Variants in SLC7A11 observed in about 807,000 individuals in gnomAD.
SLC7A11 encodes the protein solute carrier family 7 member 11, also known as cystine/glutamate transporter.
Under a neutral mutation model 54.5 loss-of-function variants are expected in SLC7A11, and 35 were observed. The ratio of observed to expected loss-of-function variants is 0.64; its 90% CI spans 0.49 to 0.85. SLC7A11 has a LOEUF of 0.85. SLC7A11 is among the 40% of genes least tolerant of loss of function. The pLI is 0.00. For missense variants in SLC7A11, 583 were observed against 618.1 expected (o/e 0.94, Z 0.60); for synonymous variants, 230 against 225.2 (o/e 1.02, Z -0.19).
chr4:138,215,107 A>G (rs1312752577), intron 5 of SLC7A11, among the ~76,000 whole-genome samples: 1 of 152,186 alleles, frequency 6.6e-6, no homozygotes, highest in African/African-American at 2.4e-5. Context: ...CAGAGGGGTT[A>G]GGCACAGGAA....
intron 6 of SLC7A11, among the ~76,000 whole-genome samples, chr4:138,201,898 G>A (rs1227505122): frequency 6.6e-6 from 1 of 152,098 alleles, no homozygotes; most frequent in Non-Finnish European, 1.5e-5. Flanking sequence ...GCAGACTTTT[G>A]AAAGTCATGA....
intron 4 of SLC7A11, among the ~76,000 whole-genome samples, chr4:138,220,181 G>A (rs952313227): frequency 1.3e-5 from 2 of 151,974 alleles, no homozygotes; most frequent in African/African-American, 2.4e-5. Context: ...CTTGTGATCC[G>A]CCCGCCTCGG....
chr4:138,185,263 T>A lies in SLC7A11; in HGVS notation c.792-19A>T, dbSNP rs1270905744. ...AATGGTTCTGAAATGCACAAAGGAATCACTTATTCATTATCTTTTGTTAGC... is the reference window on the plus strand; with the variant it reads ...AATGGTTCTGAAATGCACAAAGGAAACACTTATTCATTATCTTTTGTTAGC... On this transcript the variant is annotated intron_variant, in intron 6 of 11. Transcript: ENST00000280612. 1 of 1,610,328 alleles carries A rather than the reference T, an allele frequency of 6.2e-7. No homozygotes were observed. The highest frequency in any genetic ancestry group is 1.1e-5 in the South Asian group (1 of 90,892).
Position 138,168,272 on chromosome 4 carries a change from T to C in SLC7A11, c.*3684A>G. 6.6e-6 allele frequency: 1 copy of C among 152,326 alleles called. No individual in the cohort carries two copies. Among genetic ancestry groups the C allele is most frequent in the South Asian group, 2.1e-4 (1 of 4,830 alleles). 9.4% of individuals were successfully genotyped at this position (152,326 alleles called of 1,614,324 possible). ...TCATTAGCTTCCTGCGAGATCCACCTATGCACAGCAAACAACTAATTTTTA... is the reference window on the plus strand; with the variant it reads ...TCATTAGCTTCCTGCGAGATCCACCCATGCACAGCAAACAACTAATTTTTA... On this transcript the variant is annotated 3_prime_UTR_variant, in exon 12 of 12. Transcript: ENST00000280612.
chr4:138,237,700 AATATATATATAT>A (rs1168512229), intron 1 of SLC7A11, among the ~76,000 whole-genome samples: 512 of 14,704 alleles, frequency 0.035, 21 homozygotes, highest in African/African-American at 0.043. Flanking sequence ...GCCTAGCCAG[AATATATATATAT>A]ATATATATAT....
chr4:138,237,772 A>T (rs1440472051), intron 1 of SLC7A11, among the ~76,000 whole-genome samples: 3 of 34,984 alleles, frequency 8.6e-5, no homozygotes, highest in Admixed American at 4.3e-4. Context: ...TTTTTTTGAG[A>T]TGGAGTCTCA....
At chr4:138,238,657 T>C (rs1738300778) in intron 1 of SLC7A11, among the ~76,000 whole-genome samples, 2 of 152,026 alleles carry the variant, frequency 1.3e-5, no homozygotes, top group South Asian at 4.1e-4. Context: ...TGGAGTGCAG[T>C]GGCACAATCT....
chr4:138,180,894 A>C (rs1304606726), intron 9 of SLC7A11, 104 bp from the exon 10 acceptor site: 1 of 969,388 alleles, frequency 1.0e-6, no homozygotes, highest in Non-Finnish European at 1.5e-6. Context: ...ATAATTATTT[A>C]TACCGATAAA....
intron 5 of SLC7A11, among the ~76,000 whole-genome samples, chr4:138,218,826 T>A (rs1737738509): frequency 6.6e-6 from 1 of 152,176 alleles, no homozygotes; most frequent in African/African-American, 2.4e-5. Context: ...TATTTCTACA[T>A]CTGAGTTACT....
Position 138,183,157 on chromosome 4 carries a change from C to T in SLC7A11, c.1019+45G>A, listed in dbSNP as rs764859187. The T allele has an allele frequency of 3.8e-5, 52 of 1,365,390 alleles. No homozygotes were observed. The South Asian group carries it at 6.1e-4, about 16-fold the overall frequency. 84.6% of individuals were successfully genotyped at this position (1,365,390 alleles called of 1,614,324 possible). ...TAAAGTTATCCTTATCACATCCAAT[C>T]TCAAAAACAGAAATGTGTTTCTGGA... On this transcript the variant is annotated intron_variant, in intron 8 of 11. Coordinates refer to ENST00000280612, the MANE Select transcript of SLC7A11 (RefSeq NM_014331.4).
chr4:138,168,942 A>G lies in SLC7A11; in HGVS notation c.*3014T>C, dbSNP rs542178794. The G allele has an allele frequency of 7.9e-5, 12 of 152,336 alleles. No homozygotes were observed. Among genetic ancestry groups the G allele is most frequent in the East Asian group, 1.9e-4 (1 of 5,184 alleles). 9.4% of individuals were successfully genotyped at this position (152,336 alleles called of 1,614,324 possible). ...AAAATATTTACTGCAAATATTTATAATTGTGTAAGGAGAATCATTCTTTTT... is the reference window on the plus strand; with the variant it reads ...AAAATATTTACTGCAAATATTTATAGTTGTGTAAGGAGAATCATTCTTTTT... On this transcript the variant is annotated 3_prime_UTR_variant, in exon 12 of 12. Transcript: ENST00000280612.
chr4:138,240,134 T>G (rs1738341725), intron 1 of SLC7A11, among the ~76,000 whole-genome samples: 1 of 152,162 alleles, frequency 6.6e-6, no homozygotes, highest in Non-Finnish European at 1.5e-5. Context: ...TACACAATTG[T>G]TACTGAATAT....
At chr4:138,235,656 T>C (rs1019302379) in intron 2 of SLC7A11, among the ~76,000 whole-genome samples, 1 of 152,202 alleles carries the variant, frequency 6.6e-6, no homozygotes, top group Non-Finnish European at 1.5e-5. Flanking sequence ...TATGACATCA[T>C]AAGCTTCCCA....
intron 1 of SLC7A11, among the ~76,000 whole-genome samples, chr4:138,237,740 T>TATTTA (rs1560742798): frequency 2.6e-4 from 4 of 15,244 alleles, no homozygotes; most frequent in African/African-American, 1.2e-3. Flanking sequence ...TATATATATT[T>TATTTA]TTTTTTTTTT....
Position 138,180,706 on chromosome 4 carries a change from C to G in SLC7A11, c.1201G>C (p.Gly401Arg). The G allele has an allele frequency of 3.1e-6, 5 of 1,612,908 alleles. No individual in the cohort carries two copies. Among genetic ancestry groups the G allele is most frequent in the Non-Finnish European group, 4.2e-6 (5 of 1,179,400 alleles). ...FLSFARWLFIGLAVAGLIYLR... is the reference protein window; with the variant it reads ...FLSFARWLFIRLAVAGLIYLR... ...TAAATCAGCCCAGCAACTGCCAGCC[C>G]AATAAAAAGCCACCTGGCAAAACTG... Residue 401 changes from glycine (G) to arginine (R), a missense_variant, in exon 10 of 12, where the codon GGG becomes CGG. Transcript: ENST00000280612.
At chr4:138,239,413 T>C (rs1738324209) in intron 1 of SLC7A11, among the ~76,000 whole-genome samples, 1 of 152,206 alleles carries the variant, frequency 6.6e-6, no homozygotes, top group Admixed American at 6.5e-5. Flanking sequence ...ATATATGTAT[T>C]AAACCAAATG....
In SLC7A11 at chr4:138,171,897, A is replaced by G. The variant is rs1736434012; in HGVS notation, c.*59T>C. 1.1e-5 allele frequency: 17 copies of G among 1,549,898 alleles called. No individual in the cohort carries two copies. The highest frequency in any genetic ancestry group is 1.4e-5 in the Non-Finnish European group (16 of 1,159,186). Reference sequence around the variant, plus strand: ...TCTCTAGACTTTCAGAAAATGAAGTAAAAATCCCTATTTTGTGTCTCCCCT... The same window carrying G: ...TCTCTAGACTTTCAGAAAATGAAGTGAAAATCCCTATTTTGTGTCTCCCCT... On this transcript the variant is annotated 3_prime_UTR_variant, in exon 12 of 12. Coordinates refer to ENST00000280612, the MANE Select transcript of SLC7A11 (RefSeq NM_014331.4).
chr4:138,215,240 T>TA (rs950524201), intron 5 of SLC7A11, among the ~76,000 whole-genome samples: 8 of 151,874 alleles, frequency 5.3e-5, no homozygotes, highest in East Asian at 1.9e-4. Flanking sequence ...TTTTGTGAAA[T>TA]AAAAAAAATC....
At chr4:138,227,231 T>C (rs1737966707) in intron 3 of SLC7A11, among the ~76,000 whole-genome samples, 1 of 152,228 alleles carries the variant, frequency 6.6e-6, no homozygotes, top group South Asian at 2.1e-4. Flanking sequence ...TGTGCTTAAC[T>C]GATAAAATAT....
Sources: gnomAD v4.1 joint callset for allele counts (sites outside exome capture counted in the v4.1 genomes callset) on GRCh38, gnomAD v4.1.1 for gene constraint, MANE v1.5 for transcripts, NCBI Gene and HGNC (gene_info 2026-07-23, HGNC 2026-07-21) for gene names.